The following ATXN7 variants were observed in gnomAD, a reference collection of about 807,000 sequenced individuals.
ATXN7 encodes the protein ataxin 7.
A neutral mutation model predicts 70.5 loss-of-function variants in ATXN7; 12 were observed. The observed-to-expected ratio is 0.17, with a 90% CI of 0.11 to 0.28. The LOEUF is 0.28. Among genes scored for constraint, ATXN7 ranks in the 10% least tolerant of loss-of-function variants. The pLI is 1.00. For synonymous variants in ATXN7, 498 were observed against 448.7 expected (o/e 1.11, Z -1.39); for missense variants, 1,256 against 1,131.7 (o/e 1.11, Z -1.58).
At position 63,921,090 on chromosome 3, in the gene ATXN7, C is replaced by T. The variant is rs542588849; in HGVS notation, c.394+7865C>T. ...TAATAAATGAGCAGAAGAAGGAGAA[C>T]GATTTTTGCATTTCACCCACTCATA... On this transcript the variant is annotated intron_variant, in intron 4 of 12. Coordinates refer to ENST00000674280, the MANE Select transcript of ATXN7 (RefSeq NM_001377405.1). 7.2e-5 allele frequency among the ~76,000 whole-genome samples: 11 copies of T among 152,264 alleles called. No homozygotes were observed. The South Asian group carries it at 1.9e-3, about 26-fold the overall frequency.
At position 63,863,900 on chromosome 3, in the gene ATXN7, AGGC is replaced by A; in HGVS notation, c.-361_-359del. 1 of 1,101,692 alleles carries A rather than the reference AGGC, an allele frequency of 9.1e-7. No homozygotes were observed. The highest frequency in any genetic ancestry group is 1.7e-5 in the African/African-American group (1 of 57,668). 68.2% of individuals were successfully genotyped at this position (1,101,692 alleles called of 1,614,324 possible). A position where few individuals can be genotyped will look rare whatever the true frequency, so the allele number is the denominator to read the frequency against. On this transcript the variant is annotated 5_prime_UTR_variant, in exon 1 of 13. Coordinates refer to ENST00000674280, the MANE Select transcript of ATXN7 (RefSeq NM_001377405.1). ...GCCGGGTAAACAGCCATGGAGGAGG[AGGC>A]GGCGGCGCCCGCGGCCGCCTGCTCC...
intron 5 of ATXN7, chr3:63,967,704 C>T (rs973164238): frequency 3.3e-5 from 40 of 1,215,174 alleles, no homozygotes; most frequent in Non-Finnish European, 4.3e-5. Flanking sequence ...GCCAGGACGC[C>T]TTGTATGACC....
intron 1 of ATXN7, among the ~76,000 whole-genome samples, chr3:63,887,616 C>T (rs1703128797): frequency 6.6e-6 from 1 of 152,034 alleles, no homozygotes; most frequent in Non-Finnish European, 1.5e-5. Flanking sequence ...GACAGGGTCT[C>T]ACTCTGCCAC....
At position 63,996,359 on chromosome 3, in the gene ATXN7, T is replaced by G; in HGVS notation, c.2537T>G (p.Ile846Ser). The change falls in exon 12 of 13, where the codon ATC becomes AGC. Residue 846 changes from isoleucine (I) to serine (S), a missense_variant. Ile to Ser is a moderately radical substitution (Grantham distance 142). Transcript: ENST00000674280. ...KRKCSPSSSS[I>S]NNSSSKPTKV... ...AAGTGCTCACCCAGCTCGAGCAGCA[T>G]CAACAACAGCAGCAGCAAACCCACA... 6.2e-7 allele frequency: 1 copy of G among 1,614,080 alleles called. No homozygotes were observed. Among genetic ancestry groups the G allele is most frequent in the Non-Finnish European group, 8.5e-7 (1 of 1,180,012 alleles).
At chr3:63,948,639 TCA>T (rs572354525) in intron 4 of ATXN7, among the ~76,000 whole-genome samples, 84 of 152,192 alleles carry the variant, frequency 5.5e-4, no homozygotes, top group Middle Eastern at 3.2e-3. Context: ...GTAAATACAT[TCA>T]CCACAGTTTG....
intron 4 of ATXN7, among the ~76,000 whole-genome samples, chr3:63,925,041 G>C (rs1192534152): frequency 6.6e-6 from 1 of 152,186 alleles, no homozygotes; most frequent in Non-Finnish European, 1.5e-5. Flanking sequence ...AGTCCACATG[G>C]ACAGGCTGGT....
intron 5 of ATXN7, among the ~76,000 whole-genome samples, chr3:63,965,994 A>G (rs2075215780): frequency 6.6e-6 from 1 of 152,184 alleles, no homozygotes; most frequent in Admixed American, 6.5e-5. Context: ...TGTTTGTAGC[A>G]TTTAAGAACA....
chr3:63,991,017 C>T, intron 11 of ATXN7, 158 bp downstream of exon 11: 1 of 1,010,440 alleles, frequency 9.9e-7, no homozygotes, highest in Non-Finnish European at 1.4e-6. Context: ...CATTCATTTA[C>T]CCCTTTACCC....
rs868741179 is a variant in ATXN7, at chr3:63,864,080, C to G, written c.-189C>G. Among the ~76,000 whole-genome samples, 1,401 of 145,850 alleles carry G rather than the reference C, an allele frequency of 9.6e-3. 16 individuals carry two copies. The highest frequency in any genetic ancestry group is 0.032 in the Middle Eastern group (9 of 284). The stretch of plus-strand genomic sequence containing the variant: ...GCCGGCGGCGGCCCCGGCTGCAGCC[C>G]GGGCTCCCGCCGCCCCCCTTGCAGC... On this transcript the variant is annotated 5_prime_UTR_variant, in exon 1 of 13. Transcript: ENST00000674280.
Position 64,000,037 on chromosome 3 carries a change from A to T in ATXN7, c.*570A>T, listed in dbSNP as rs542823138. On this transcript the variant is annotated 3_prime_UTR_variant, in exon 13 of 13. Transcript: ENST00000674280. ...TTTTGATAGCAATGTTCCAGGAATG[A>T]AATATAGATGTTAGCCCAAGACACC... is the stretch of plus-strand genomic sequence containing the variant. The T allele has an allele frequency of 4.5e-5, 7 of 154,324 alleles. No individual in the cohort carries two copies. The highest frequency in any genetic ancestry group is 1.4e-4 in the African/African-American group (6 of 41,554). 9.6% of individuals were successfully genotyped at this position (154,324 alleles called of 1,614,324 possible).
intron 4 of ATXN7, among the ~76,000 whole-genome samples, chr3:63,929,639 T>G (rs566268392): frequency 3.0e-4 from 45 of 152,312 alleles, no homozygotes; most frequent in African/African-American, 1.1e-3. Context: ...CTGGTTGATA[T>G]TAAGTAACTA....
At chr3:63,909,174 C>T (rs1200678682) in intron 2 of ATXN7, among the ~76,000 whole-genome samples, 1 of 151,548 alleles carries the variant, frequency 6.6e-6, no homozygotes, top group Admixed American at 6.5e-5. Flanking sequence ...CAGTGAAGTT[C>T]CTCAGAGTTA....
chr3:63,998,434 C>T, intron 12 of ATXN7: 1 of 985,268 alleles, frequency 1.0e-6, no homozygotes, highest in South Asian at 4.7e-5. Flanking sequence ...GCCTATGTAT[C>T]TGTGGGCCAT....
At chr3:63,948,886 A>G (rs1465030075) in intron 4 of ATXN7, among the ~76,000 whole-genome samples, 1 of 152,148 alleles carries the variant, frequency 6.6e-6, no homozygotes, top group Non-Finnish European at 1.5e-5. Context: ...CATTCTTTCA[A>G]ATTCGTTTAG....
intron 1 of ATXN7, among the ~76,000 whole-genome samples, chr3:63,894,046 T>C (rs957471231): frequency 6.6e-6 from 1 of 152,158 alleles, no homozygotes; most frequent in African/African-American, 2.4e-5. Context: ...GTTTGGGTGG[T>C]CGATTTTCAT....
At chr3:63,952,835 C>CTTTTTTT (rs59256288) in intron 5 of ATXN7, among the ~76,000 whole-genome samples, 1,111 of 49,128 alleles carry the variant, frequency 0.023, 237 homozygotes, top group East Asian at 0.043. Flanking sequence ...ATGCATGGGC[C>CTTTTTTT]TTTTTTTTTT....
At chr3:63,892,495 C>CCACACACA (rs376915162) in intron 1 of ATXN7, among the ~76,000 whole-genome samples, 9 of 126,894 alleles carry the variant, frequency 7.1e-5, no homozygotes, top group South Asian at 2.5e-4. Context: ...ACACACACAC[C>CCACACACA]CACACACACA....
intron 1 of ATXN7, among the ~76,000 whole-genome samples, chr3:63,884,233 ACACACACATACT>A (rs1361831183): frequency 6.4e-5 from 9 of 141,714 alleles, no homozygotes; most frequent in African/African-American, 2.3e-4. Flanking sequence ...ACACACACAC[ACACACACATACT>A]CTCACACACA....
chr3:63,905,553 A>T (rs1215205594), intron 2 of ATXN7: 3 of 152,146 alleles, frequency 2.0e-5, no homozygotes, highest in African/African-American at 7.2e-5. Flanking sequence ...TCAGATTCCA[A>T]CCCACTAATT....
Sources: gnomAD v4.1 joint callset for allele counts (sites outside exome capture counted in the v4.1 genomes callset) on GRCh38, gnomAD v4.1.1 for gene constraint, MANE v1.5 for transcripts, NCBI Gene and HGNC (gene_info 2026-07-23, HGNC 2026-07-21) for gene names.